RAPGEF2: variants seen among roughly 807,000 people sequenced by gnomAD.
RAPGEF2 encodes the protein Rap guanine nucleotide exchange factor 2, also known as PDZ domain containing guanine nucleotide exchange factor (GEF) 1.
RAPGEF2 carries 54 observed loss-of-function variants against 186.7 expected under a neutral mutation model. The ratio of observed to expected loss-of-function variants is 0.29; its 90% CI spans 0.23 to 0.36. RAPGEF2 has a LOEUF of 0.36. RAPGEF2 is among the 10% of genes least tolerant of loss of function. The pLI, the probability that RAPGEF2 is intolerant of heterozygous loss-of-function variation, is 1.00. For synonymous variants in RAPGEF2, 712 were observed against 705.9 expected (o/e 1.01, Z -0.14); for missense variants, 1,532 against 2,045.0 (o/e 0.75, Z 4.84).
chr4:159,117,824 C>A (rs1366032460), intron 1 of RAPGEF2, among the ~76,000 whole-genome samples: 1 of 152,148 alleles, frequency 6.6e-6, no homozygotes, highest in Non-Finnish European at 1.5e-5. Context: ...CACCTATTTA[C>A]TATACCAAGT....
Position 159,116,125 on chromosome 4 carries a change from A to G in RAPGEF2, c.69+11894A>G, listed in dbSNP as rs142208018. Reference sequence around the variant, plus strand: ...ACTAAAGAGCCTCTGCACAGCAAAAAAAACTATCATCAGAGTGAGCAGACA... The same window carrying G: ...ACTAAAGAGCCTCTGCACAGCAAAAGAAACTATCATCAGAGTGAGCAGACA... On this transcript the variant is annotated intron_variant, in intron 1 of 29. Coordinates refer to ENST00000691494, the MANE Select transcript of RAPGEF2 (RefSeq NM_001394067.2). 8.5e-3 allele frequency among the ~76,000 whole-genome samples: 1,287 copies of G among 152,258 alleles called. 22 individuals carry two copies. The highest frequency in any genetic ancestry group is 0.029 in the African/African-American group (1,222 of 41,552).
chr4:159,251,291 C>T (rs558791997), intron 7 of RAPGEF2, among the ~76,000 whole-genome samples: 13 of 152,366 alleles, frequency 8.5e-5, no homozygotes, highest in South Asian at 2.1e-4. Context: ...CTGGTCCCAT[C>T]GACTGCCCAA....
In RAPGEF2 at chr4:159,350,269, C is replaced by T; in HGVS notation, c.3845C>T (p.Pro1282Leu). ...CAGCTTTCTTCTCCTCCTACTTCTC[C>T]ACAGAGTTCTCCAAGGAAAGGTAGA... is the stretch of plus-strand genomic sequence containing the variant. ...SSQLSSPPTSPQSSPRKGYTL... is the reference protein window; with the variant it reads ...SSQLSSPPTSLQSSPRKGYTL... Residue 1282 changes from proline to leucine, a missense_variant, in exon 26 of 30, where the codon CCA becomes CTA. Pro to Leu is a moderately conservative substitution (Grantham distance 98). Coordinates refer to ENST00000691494, the MANE Select transcript of RAPGEF2 (RefSeq NM_001394067.2). 2 of 1,585,294 alleles carry T rather than the reference C, an allele frequency of 1.3e-6. No homozygotes were observed. The highest frequency in any genetic ancestry group is 1.8e-5 in the Admixed American group (1 of 54,844).
At chr4:159,241,609 G>A (rs1158952997) in intron 6 of RAPGEF2, among the ~76,000 whole-genome samples, 5 of 150,562 alleles carry the variant, frequency 3.3e-5, no homozygotes, top group Non-Finnish European at 7.4e-5. Context: ...TGGGAAACAT[G>A]ATATGATTAG....
intron 1 of RAPGEF2, among the ~76,000 whole-genome samples, chr4:159,123,055 C>G (rs1739890034): frequency 6.6e-6 from 1 of 152,072 alleles, no homozygotes; most frequent in African/African-American, 2.4e-5. Context: ...ATTTTCCTTT[C>G]TTTAGCTTAT....
intron 4 of RAPGEF2, among the ~76,000 whole-genome samples, chr4:159,224,062 C>G (rs1295333279): frequency 6.6e-6 from 1 of 152,090 alleles, no homozygotes; most frequent in East Asian, 1.9e-4. Context: ...CCACTCCCGA[C>G]TAATTTTTGT....
At chr4:159,165,033 CAA>C (rs910674654) in intron 1 of RAPGEF2, among the ~76,000 whole-genome samples, 1 of 152,046 alleles carries the variant, frequency 6.6e-6, no homozygotes, top group Non-Finnish European at 1.5e-5. Flanking sequence ...AAATCTCACA[CAA>C]AGAGCCTTCT....
intron 1 of RAPGEF2, among the ~76,000 whole-genome samples, chr4:159,169,573 C>T (rs1745681340): frequency 6.6e-6 from 1 of 152,064 alleles, no homozygotes; most frequent in Non-Finnish European, 1.5e-5. Context: ...TGATCAACAT[C>T]TCCCCAACAG....
At chr4:159,177,096 A>T (rs1458912771) in intron 1 of RAPGEF2, among the ~76,000 whole-genome samples, 1 of 151,686 alleles carries the variant, frequency 6.6e-6, no homozygotes, top group East Asian at 1.9e-4. Flanking sequence ...AAGTATATTT[A>T]TAACAGATGT....
intron 7 of RAPGEF2, among the ~76,000 whole-genome samples, chr4:159,275,121 G>A (rs1758683112): frequency 6.8e-6 from 1 of 146,030 alleles, no homozygotes; most frequent in African/African-American, 2.5e-5. Flanking sequence ...TCTTATAATT[G>A]CACAGTCTGT....
At chr4:159,156,559 G>T (rs1438626148) in intron 1 of RAPGEF2, among the ~76,000 whole-genome samples, 2 of 151,886 alleles carry the variant, frequency 1.3e-5, no homozygotes, top group African/African-American at 4.8e-5. Flanking sequence ...AGGTATACAT[G>T]TGCCCATTTT....
At chr4:159,336,341 G>C (rs1177420068) in intron 17 of RAPGEF2, among the ~76,000 whole-genome samples, 1 of 151,960 alleles carries the variant, frequency 6.6e-6, no homozygotes, top group Admixed American at 6.6e-5. Flanking sequence ...TTCCCCTTCT[G>C]AGTCTCCAAA....
intron 9 of RAPGEF2, among the ~76,000 whole-genome samples, chr4:159,315,619 G>C (rs1376750372): frequency 6.6e-6 from 1 of 152,186 alleles, no homozygotes; most frequent in African/African-American, 2.4e-5. Flanking sequence ...CAAAACAAAG[G>C]GGCAGGATAA....
At chr4:159,257,902 A>G (rs977090398) in intron 7 of RAPGEF2, among the ~76,000 whole-genome samples, 2 of 152,116 alleles carry the variant, frequency 1.3e-5, no homozygotes, top group East Asian at 3.9e-4. Flanking sequence ...TCTTGGCTAT[A>G]TGGGCTCTTT....
chr4:159,158,311 T>G (rs1215684183), intron 1 of RAPGEF2, among the ~76,000 whole-genome samples: 1 of 152,146 alleles, frequency 6.6e-6, no homozygotes, highest in Non-Finnish European at 1.5e-5. Flanking sequence ...ATTACTTAGG[T>G]GTAAATGTAG....
intron 7 of RAPGEF2, among the ~76,000 whole-genome samples, chr4:159,273,628 TTCTTTCTTTCTTTCTTTC>T (rs1281269683): frequency 1.7e-3 from 24 of 13,806 alleles, no homozygotes; most frequent in African/African-American, 3.5e-3. Flanking sequence ...AGTAATCAGT[TTCTTTCTTTCTTTCTTTC>T]TTTCTTTCTT....
At chr4:159,168,727 T>C (rs1326876674) in intron 1 of RAPGEF2, among the ~76,000 whole-genome samples, 2 of 152,222 alleles carry the variant, frequency 1.3e-5, no homozygotes, top group African/African-American at 4.8e-5. Context: ...CGTTTCATTA[T>C]GCGTAGGAGG....
chr4:159,225,562 A>G (rs1255618539), intron 4 of RAPGEF2, among the ~76,000 whole-genome samples: 2 of 152,198 alleles, frequency 1.3e-5, no homozygotes, highest in Non-Finnish European at 2.9e-5. Flanking sequence ...GAACTCCCAC[A>G]CTGTTTTCCA....
intron 1 of RAPGEF2, among the ~76,000 whole-genome samples, chr4:159,148,214 C>A (rs1743147168): frequency 6.6e-6 from 1 of 151,994 alleles, no homozygotes; most frequent in South Asian, 2.1e-4. Flanking sequence ...TGAAAAACAG[C>A]CCTTCAACCA....
Sources: allele counts gnomAD v4.1 joint callset (sites outside exome capture counted in the v4.1 genomes callset), GRCh38; gene constraint gnomAD v4.1.1; transcripts MANE v1.5; gene names NCBI Gene and HGNC (gene_info 2026-07-23, HGNC 2026-07-21).